Variants in TAFA2 observed in about 807,000 individuals in gnomAD.
The protein encoded by TAFA2 is chemokine-like protein TAFA-2.
In TAFA2, 7 loss-of-function variants were observed where a neutral mutation model predicts 18.8. That is an observed-to-expected ratio of 0.37 (90% CI 0.21 to 0.70). TAFA2 has a LOEUF of 0.70. TAFA2 is among the 30% of genes least tolerant of loss of function. The pLI is 0.53. For synonymous variants in TAFA2, 60 were observed against 54.2 expected, an observed-to-expected ratio of 1.11 and a Z score of -0.47; for missense variants, 122 against 158.1, an observed-to-expected ratio of 0.77 and a Z score of 1.23.
intron 2 of TAFA2, among the ~76,000 whole-genome samples, chr12:61,853,827 T>C (rs1873777332): frequency 6.6e-6 from 1 of 152,168 alleles, no homozygotes; most frequent in Non-Finnish European, 1.5e-5. Context: ...AGAGGGTATG[T>C]AGGCACTGTA....
At chr12:61,732,625 G>T (rs562826161) in intron 4 of TAFA2, among the ~76,000 whole-genome samples, 1 of 152,098 alleles carries the variant, frequency 6.6e-6, no homozygotes, top group African/African-American at 2.4e-5. Context: ...TGTTCCTTCT[G>T]TTCAGATGGT....
chr12:61,934,750 C>A (rs76601314), intron 1 of TAFA2, among the ~76,000 whole-genome samples: 6 of 152,294 alleles, frequency 3.9e-5, no homozygotes, highest in East Asian at 3.9e-4. Flanking sequence ...CTAGAGAGGA[C>A]CTTTCACACT....
chr12:61,813,775 G>C (rs1871968394), intron 2 of TAFA2, among the ~76,000 whole-genome samples: 1 of 151,408 alleles, frequency 6.6e-6, no homozygotes. Flanking sequence ...CTGTGACTCT[G>C]AGAAAATTAT....
intron 1 of TAFA2, among the ~76,000 whole-genome samples, chr12:61,905,297 A>T (rs1192791313): frequency 6.6e-6 from 1 of 152,166 alleles, no homozygotes; most frequent in Admixed American, 6.6e-5. Flanking sequence ...AATTGTGCTA[A>T]TTATTTGAAA....
chr12:61,841,544 T>C (rs1873181383), intron 2 of TAFA2, among the ~76,000 whole-genome samples: 2 of 152,144 alleles, frequency 1.3e-5, no homozygotes, highest in South Asian at 4.1e-4. Flanking sequence ...TTGGTTACTA[T>C]AGCTTTGCAG....
In TAFA2 at chr12:62,224,851, T is replaced by A. The variant is rs576602669; in HGVS notation, c.-130+33912A>T. ...ACTGTATACTTAAACATTGATAAAA[T>A]AGTAAATTTTACGTTATTTACATTT... On this transcript the variant is annotated intron_variant, in intron 1 of 5. Coordinates refer to the TAFA2 transcript ENST00000551619. 2.6e-5 allele frequency among the ~76,000 whole-genome samples: 4 copies of A among 152,300 alleles called. No homozygotes were observed. The South Asian group carries it at 8.3e-4, about 32-fold the overall frequency.
chr12:61,759,273 C>T (rs535605225), intron 2 of TAFA2, among the ~76,000 whole-genome samples: 21 of 152,072 alleles, frequency 1.4e-4, no homozygotes, highest in East Asian at 1.9e-4. Flanking sequence ...CCCTTCTGGA[C>T]GAAGGTTGTA....
At chr12:61,923,211 G>C in intron 1 of TAFA2, among the ~76,000 whole-genome samples, 1 of 152,162 alleles carries the variant, frequency 6.6e-6, no homozygotes, top group East Asian at 1.9e-4. Context: ...GAGAGCAGTA[G>C]ATCTCCCAGC....
At chr12:62,233,747 CA>C (rs1282930013) in intron 1 of TAFA2, among the ~76,000 whole-genome samples, 4 of 152,142 alleles carry the variant, frequency 2.6e-5, no homozygotes, top group Admixed American at 2.0e-4. Context: ...GTGAATGGGT[CA>C]AAAATGAGCC....
chr12:62,214,106 G>A (rs2062724320), intron 1 of TAFA2, among the ~76,000 whole-genome samples: 1 of 152,176 alleles, frequency 6.6e-6, no homozygotes, highest in Non-Finnish European at 1.5e-5. Context: ...AAGAAGGGTT[G>A]ATTTAGCCCC....
At chr12:61,718,086 A>G (rs1475512203) in intron 4 of TAFA2, among the ~76,000 whole-genome samples, 2 of 152,188 alleles carry the variant, frequency 1.3e-5, no homozygotes, top group African/African-American at 4.8e-5. Flanking sequence ...AGAATGCAGA[A>G]CTAGTGAGCT....
At chr12:62,235,595 A>G (rs971060948) in intron 1 of TAFA2, 3 of 294,726 alleles carry the variant, frequency 1.0e-5, no homozygotes, top group Non-Finnish European at 1.9e-5. Flanking sequence ...TTATCGGGAC[A>G]TTGCCCCTGG....
At chr12:61,719,665 A>G (rs1869810950) in intron 4 of TAFA2, among the ~76,000 whole-genome samples, 1 of 152,142 alleles carries the variant, frequency 6.6e-6, no homozygotes, top group Admixed American at 6.5e-5. Flanking sequence ...GATCAATTAA[A>G]TTATTTATTG....
At chr12:62,189,940 T>TGTGTGTG (rs2062610988) in intron 1 of TAFA2, among the ~76,000 whole-genome samples, 6 of 141,926 alleles carry the variant, frequency 4.2e-5, no homozygotes, top group East Asian at 2.1e-4. Flanking sequence ...TGAGTTTGCT[T>TGTGTGTG]TGTGTGTGTG....
chr12:61,799,746 C>T (rs947908386), intron 2 of TAFA2, among the ~76,000 whole-genome samples: 3 of 152,074 alleles, frequency 2.0e-5, no homozygotes, highest in Non-Finnish European at 4.4e-5. Context: ...GGCATGAACC[C>T]GGGAGGCGGA....
intron 1 of TAFA2, among the ~76,000 whole-genome samples, chr12:62,093,630 C>A (rs1868816996): frequency 1.3e-5 from 2 of 151,990 alleles, no homozygotes; most frequent in African/African-American, 4.8e-5. Context: ...ACAGTGATAA[C>A]CTTGCAAAGC....
intron 4 of TAFA2, among the ~76,000 whole-genome samples, chr12:61,735,823 G>C (rs568301908): frequency 6.6e-6 from 1 of 151,852 alleles, no homozygotes; most frequent in African/African-American, 2.4e-5. Flanking sequence ...TGTTTGCCTG[G>C]TTATTTTTCA....
intron 1 of TAFA2, among the ~76,000 whole-genome samples, chr12:61,910,100 T>G (rs12314234): frequency 2.1e-5 from 3 of 144,800 alleles, no homozygotes; most frequent in South Asian, 4.4e-4. Flanking sequence ...GTGTGTGTGT[T>G]TGTGTGTGTG....
At chr12:61,919,963 T>TG (rs1565681380) in intron 1 of TAFA2, among the ~76,000 whole-genome samples, 1 of 152,178 alleles carries the variant, frequency 6.6e-6, no homozygotes, top group East Asian at 1.9e-4. Flanking sequence ...TTTCTTGATG[T>TG]GAAGCTAAAA....
Sources: allele counts gnomAD v4.1 joint callset (sites outside exome capture counted in the v4.1 genomes callset), GRCh38; gene constraint gnomAD v4.1.1; transcripts MANE v1.5; gene names NCBI Gene and HGNC (gene_info 2026-07-23, HGNC 2026-07-21).